Variants in PCNX2 observed in about 807,000 individuals in gnomAD.
PCNX2 encodes pecanex-like protein 2.
In PCNX2, 168 loss-of-function variants were observed where a neutral mutation model predicts 223.8. That is an observed-to-expected ratio of 0.75 (90% CI 0.66 to 0.85). PCNX2 has a LOEUF of 0.85. Ranked by LOEUF, PCNX2 falls within the 40% of genes least tolerant of loss-of-function variation. The pLI is 0.00. For missense variants in PCNX2, 2,507 were observed against 2,675.5 expected (o/e 0.94, Z 1.39); for synonymous variants, 1,006 against 1,052.6 (o/e 0.96, Z 0.86).
chr1:233,177,722 C>A (rs1572025628), intron 17 of PCNX2, 80 bp downstream of exon 17: 1 of 1,238,040 alleles, frequency 8.1e-7, no homozygotes, highest in East Asian at 2.4e-5. Flanking sequence ...TGTCCACCTG[C>A]CTAGAGCTCC....
At position 233,139,875 on chromosome 1, in the gene PCNX2, C is replaced by T; in HGVS notation, c.3518-20G>A. The T allele has an allele frequency of 4.4e-6, 7 of 1,605,376 alleles. No individual in the cohort carries two copies. Among genetic ancestry groups the T allele is most frequent in the Non-Finnish European group, 6.0e-6 (7 of 1,175,894 alleles). The stretch of plus-strand genomic sequence containing the variant: ...CAACATCTGAAAGAAATATAAAAAC[C>T]ACTTAGAACAACCACCGATCAAAGT... On this transcript the variant is annotated intron_variant, in intron 19 of 33. Coordinates refer to ENST00000258229, the MANE Select transcript of PCNX2 (RefSeq NM_014801.4). The surrounding 1 kb of genome is among the most constrained non-coding windows in gnomAD (Gnocchi z 4.4).
At chr1:233,088,185 A>C (rs1673697345) in intron 23 of PCNX2, among the ~76,000 whole-genome samples, 2 of 152,300 alleles carry the variant, frequency 1.3e-5, no homozygotes, top group Middle Eastern at 3.4e-3. Context: ...CTCTGCAAAA[A>C]GATTCCCCTT....
chr1:233,294,492 T>C (rs1661951503), intron 1 of PCNX2, among the ~76,000 whole-genome samples: 1 of 152,158 alleles, frequency 6.6e-6, no homozygotes, highest in African/African-American at 2.4e-5. Context: ...GCAAACTCAT[T>C]GACGATTTTT....
At chr1:233,260,715 A>G (rs1339852987) in intron 4 of PCNX2, among the ~76,000 whole-genome samples, 1 of 152,122 alleles carries the variant, frequency 6.6e-6, no homozygotes, top group Non-Finnish European at 1.5e-5. Context: ...TCTTTGTAGT[A>G]GTGGAAAAGA....
chr1:233,315,330 A>G, the PCNX2 span, among the ~76,000 whole-genome samples: 3 of 152,234 alleles, frequency 2.0e-5, no homozygotes, highest in African/African-American at 4.8e-5. Context: ...AAATTAACAT[A>G]CGCTTCATGC....
Position 233,017,552 on chromosome 1 carries a change from G to A in PCNX2, c.4606-398C>T, listed in dbSNP as rs946121724. On this transcript the variant is annotated intron_variant, in intron 26 of 33. Transcript: ENST00000258229. ...AGGATGGTCTCGATCTCCTGACCTC[G>A]TGATCCGCCCGCCTTGGCCTCCCAA... Among the ~76,000 whole-genome samples, 88 of 152,090 alleles carry A rather than the reference G, an allele frequency of 5.8e-4. 1 individual carries two copies. The highest frequency in any genetic ancestry group is 2.0e-3 in the African/African-American group (81 of 41,532).
At chr1:233,141,055 A>G (rs546160703) in intron 19 of PCNX2, among the ~76,000 whole-genome samples, 1 of 152,184 alleles carries the variant, frequency 6.6e-6, no homozygotes, top group African/African-American at 2.4e-5. Context: ...AAAAAACTTT[A>G]CCCTACAATG....
chr1:233,112,264 A>G (rs1001815902), intron 21 of PCNX2, among the ~76,000 whole-genome samples: 3 of 152,244 alleles, frequency 2.0e-5, no homozygotes, highest in African/African-American at 7.2e-5. Context: ...CAAGATGCCT[A>G]CAGCCAGCAC....
chr1:233,161,154 G>T, intron 18 of PCNX2, 117 bp downstream of exon 18: 2 of 827,058 alleles, frequency 2.4e-6, no homozygotes, highest in Non-Finnish European at 2.0e-6. Context: ...CTCTCAGCGG[G>T]CATTTTGTTT....
At position 233,237,195 on chromosome 1, in the gene PCNX2, T is replaced by C. The variant is rs117720009; in HGVS notation, c.2223-215A>G. ...CTGCATACATTGAAATTACTCAGGC[T>C]ACCCAGGGTTGCAGTGTGTCATAGG... On this transcript the variant is annotated intron_variant, in intron 8 of 33. Transcript: ENST00000258229. Among the ~76,000 whole-genome samples the C allele has an allele frequency of 1.3e-4, 20 of 152,326 alleles. No individual in the cohort carries two copies. The East Asian group carries it at 3.7e-3, about 28-fold the overall frequency.
chr1:233,188,540 T>C (rs1309752287), intron 15 of PCNX2, among the ~76,000 whole-genome samples: 1 of 152,170 alleles, frequency 6.6e-6, no homozygotes, highest in Non-Finnish European at 1.5e-5. Flanking sequence ...TCCATTTTTT[T>C]GAGACGGAGT....
Position 233,177,890 on chromosome 1 carries a change from A to T in PCNX2, c.3185T>A (p.Ile1062Asn). 6.2e-7 allele frequency: 1 copy of T among 1,613,652 alleles called. No homozygotes were observed. Among genetic ancestry groups the T allele is most frequent in the Non-Finnish European group, 8.5e-7 (1 of 1,179,576 alleles). ...SSDPSVLMSFIQCRLFPKFLH... is the reference protein window; with the variant it reads ...SSDPSVLMSFNQCRLFPKFLH... ...AAATTTAGGAAACAGCCTGCATTGG[A>T]TGAAGGACCTGAAAGTGGAAAAACA... The change falls in exon 17 of 34, where the codon ATC becomes AAC. Residue 1062 changes from isoleucine (I) to asparagine (N), a missense_variant. Ile to Asn is a moderately radical substitution (Grantham distance 149, BLOSUM62 -3). Coordinates refer to ENST00000258229, the MANE Select transcript of PCNX2 (RefSeq NM_014801.4).
intron 1 of PCNX2, among the ~76,000 whole-genome samples, chr1:233,285,284 T>C (rs1344494503): frequency 1.3e-5 from 2 of 149,440 alleles, no homozygotes; most frequent in Non-Finnish European, 3.0e-5. Flanking sequence ...CCCAAGTGTT[T>C]GAGGTTGCAG....
In PCNX2 at chr1:233,252,444, T is replaced by C. The variant is rs1659510983; in HGVS notation, c.2038A>G (p.Ser680Gly). 6.2e-7 allele frequency: 1 copy of C among 1,613,754 alleles called. No individual in the cohort carries two copies. The highest frequency in any genetic ancestry group is 2.2e-5 in the East Asian group (1 of 44,882). ...CCACTGATGACTTGCAAGACAGAAC[T>C]ATCTTGTTGGGAAGTTACCCTGTAG... ...IIYRVTSQQD[S>G]SVLQVISGPE... Residue 680 changes from serine to glycine, a missense_variant, in exon 7 of 34, where the codon AGT becomes GGT. This residue lies in a region of PCNX2 where 1,031 missense variants were observed against 1,021.7 expected (regional missense o/e 1.01). Transcript: ENST00000258229.
chr1:233,313,903 G>A, the PCNX2 span, among the ~76,000 whole-genome samples: 4 of 152,190 alleles, frequency 2.6e-5, no homozygotes, highest in Non-Finnish European at 4.4e-5. Flanking sequence ...GAAAGGTGCT[G>A]GTGGGAGTGT....
rs1367431639 is a variant in PCNX2 at position 233,001,671 on chromosome 1, A to G, written c.4963T>C (p.Phe1655Leu). The G allele has an allele frequency of 6.3e-6, 10 of 1,577,914 alleles. No individual in the cohort carries two copies. Among genetic ancestry groups the G allele is most frequent in the Non-Finnish European group, 8.6e-6 (10 of 1,161,048 alleles). ...AHNMAISLDS[F>L]LYGLHVLFKG... ...AAGAGGACATGGAGGCCATACAGGA[A>G]AGAATCCAGGCTGCAAAACAAAGTC... is the stretch of plus-strand genomic sequence containing the variant. The change falls in exon 29 of 34, where the codon TTC (phenylalanine) becomes CTC (leucine). Residue 1655 changes from phenylalanine (F) to leucine (L), a missense_variant. Phe to Leu is a conservative substitution (Grantham distance 22). Transcript: ENST00000258229. The surrounding 1 kb of genome is among the most constrained non-coding windows in gnomAD (Gnocchi z 4.2).
At chr1:233,266,778 T>A (rs1338578679) in intron 1 of PCNX2, among the ~76,000 whole-genome samples, 1 of 152,228 alleles carries the variant, frequency 6.6e-6, no homozygotes, top group African/African-American at 2.4e-5. Flanking sequence ...GGAGGCAACA[T>A]TTTTCAACAT....
intron 15 of PCNX2, among the ~76,000 whole-genome samples, chr1:233,185,303 T>C (rs76456341): frequency 0.041 from 6,300 of 152,092 alleles, 218 homozygotes; most frequent in African/African-American, 0.092. Context: ...GATGGTCTCA[T>C]CTCAAGTTAT....
chr1:233,241,089 G>T, intron 8 of PCNX2: 1 of 801,210 alleles, frequency 1.2e-6, no homozygotes, highest in Non-Finnish European at 1.5e-6. Context: ...TGTTCAACAT[G>T]TAGGATGTTT....
Sources: allele counts gnomAD v4.1 joint callset (sites outside exome capture counted in the v4.1 genomes callset), GRCh38; gene constraint gnomAD v4.1.1; regional missense constraint gnomAD v4.1.1; non-coding constraint Gnocchi (gnomAD v3.1); transcripts MANE v1.5; gene names NCBI Gene and HGNC (gene_info 2026-07-23, HGNC 2026-07-21).